The following ZNF502 variants were observed in gnomAD, a reference collection of about 807,000 sequenced individuals.
ZNF502 encodes the protein zinc finger protein 502.
In ZNF502, 29 loss-of-function variants were observed where a neutral mutation model predicts 43.6. The ratio of observed to expected loss-of-function variants is 0.67; its 90% CI spans 0.50 to 0.91. The LOEUF (loss-of-function observed/expected upper bound fraction) is 0.91, where lower values mean the gene tolerates loss of function less well. Among genes scored for constraint, ZNF502 ranks in the 40% least tolerant of loss-of-function variants. The pLI is 0.00. For missense variants in ZNF502, 591 were observed against 647.2 expected (o/e 0.91, Z 0.94); for synonymous variants, 171 against 207.4 (o/e 0.82, Z 1.51).
chr3:44,721,524 A>T lies in ZNF502; in HGVS notation c.707A>T (p.Glu236Val), dbSNP rs765356360. The T allele has an allele frequency of 9.3e-6, 15 of 1,607,570 alleles. No homozygotes were observed. Among genetic ancestry groups the T allele is most frequent in the African/African-American group, 1.3e-5 (1 of 74,836 alleles). The change falls in exon 3 of 3, where the codon GAG (glutamate) becomes GTG (valine). Residue 236 changes from glutamate (E) to valine (V), a missense_variant. Glu to Val is a moderately radical substitution (Grantham distance 121, BLOSUM62 -2). Transcript: ENST00000436624. ...LTQHQRIHTG[E>V]KPYKCNECGN... Reference sequence around the variant, plus strand: ...CAGCATCAAAGAATTCACACTGGAGAGAAACCTTATAAATGCAATGAATGT... The same window carrying T: ...CAGCATCAAAGAATTCACACTGGAGTGAAACCTTATAAATGCAATGAATGT...
chr3:44,714,092 T>G (rs1432998135), intron 1 of ZNF502, among the ~76,000 whole-genome samples: 1 of 152,186 alleles, frequency 6.6e-6, no homozygotes, highest in Non-Finnish European at 1.5e-5. Context: ...TGTTAAAAAT[T>G]CTTGAAAAAC....
At chr3:44,716,528 G>A (rs1704151250) in intron 1 of ZNF502, among the ~76,000 whole-genome samples, 1 of 152,084 alleles carries the variant, frequency 6.6e-6, no homozygotes, top group African/African-American at 2.4e-5. Context: ...ATGACTCTGA[G>A]GTACACTACA....
At position 44,712,681 on chromosome 3, in the gene ZNF502, G is replaced by C. The variant is rs1262573467; in HGVS notation, c.-119G>C. ...TTTCAGAAGTTAAGGCTGGTGTCCT[G>C]GCCCCAGTCCACCTCTGGGAGCGCC... On this transcript the variant is annotated 5_prime_UTR_variant, in exon 1 of 3. Coordinates refer to ENST00000436624, the MANE Select transcript of ZNF502 (RefSeq NM_001134442.3). 2.0e-5 allele frequency: 3 copies of C among 152,322 alleles called. No individual in the cohort carries two copies. The highest frequency in any genetic ancestry group is 7.2e-5 in the African/African-American group (3 of 41,460). The allele number at this position is 152,322 out of a possible 1,614,324, so 9.4% of individuals were successfully genotyped here.
intron 1 of ZNF502, among the ~76,000 whole-genome samples, chr3:44,715,430 A>G (rs1011601147): frequency 1.3e-5 from 2 of 151,760 alleles, no homozygotes; most frequent in Admixed American, 6.6e-5. Flanking sequence ...ATCTCTGATT[A>G]TGCTTTTTCA....
At chr3:44,716,216 T>A (rs1704139866) in intron 1 of ZNF502, among the ~76,000 whole-genome samples, 1 of 151,740 alleles carries the variant, frequency 6.6e-6, no homozygotes, top group Non-Finnish European at 1.5e-5. Flanking sequence ...AGACGGAGTT[T>A]CGCTCTTGTC....
chr3:44,722,001 C>G lies in ZNF502; in HGVS notation c.1184C>G (p.Thr395Ser), dbSNP rs1228310484. 6.2e-7 allele frequency: 1 copy of G among 1,614,170 alleles called. No homozygotes were observed. Among genetic ancestry groups the G allele is most frequent in the African/African-American group, 1.3e-5 (1 of 75,042 alleles). ...GCGTTTACTCAGAGCACCCCACTCA[C>G]TAAACATCAGAGAATACATACAGGG... ...GKAFTQSTPL[T>S]KHQRIHTGER... is the part of the protein sequence containing the mutation. The change falls in exon 3 of 3, where the codon ACT becomes AGT. Residue 395 changes from threonine to serine, a missense_variant. Coordinates refer to ENST00000436624, the MANE Select transcript of ZNF502 (RefSeq NM_001134442.3).
Position 44,722,997 on chromosome 3 carries a change from ATC to A in ZNF502, c.*546_*547del. On this transcript the variant is annotated 3_prime_UTR_variant, in exon 3 of 3. Coordinates refer to ENST00000436624, the MANE Select transcript of ZNF502 (RefSeq NM_001134442.3). ...AGAGCCAAAAAAAAAAAAAAAAAAA[ATC>A]CATATCCATTCATTAAAAAAATGAG... is the stretch of plus-strand genomic sequence containing the variant. 1.3e-5 allele frequency: 2 copies of A among 151,100 alleles called. No individual in the cohort carries two copies. Among genetic ancestry groups the A allele is most frequent in the Non-Finnish European group, 1.5e-5 (1 of 68,012 alleles). 9.4% of individuals were successfully genotyped at this position (151,100 alleles called of 1,614,324 possible). A position where few individuals can be genotyped will look rare whatever the true frequency, so the allele number is the denominator to read the frequency against.
chr3:44,714,472 T>G (rs1352915352), intron 1 of ZNF502: 1 of 152,254 alleles, frequency 6.6e-6, no homozygotes, highest in African/African-American at 2.4e-5. Context: ...GCTCATTCAG[T>G]ACATATTGTC....
intron 1 of ZNF502, among the ~76,000 whole-genome samples, chr3:44,714,369 C>T (rs1208397020): frequency 1.3e-5 from 2 of 152,216 alleles, no homozygotes; most frequent in African/African-American, 4.8e-5. Context: ...ACATTACTTT[C>T]TGGGCAACTT....
At chr3:44,718,004 C>A (rs1704197170) in intron 1 of ZNF502, among the ~76,000 whole-genome samples, 1 of 152,174 alleles carries the variant, frequency 6.6e-6, no homozygotes, top group Non-Finnish European at 1.5e-5. Context: ...TTCCTAGCCA[C>A]ATTGCTTTAA....
intron 1 of ZNF502, among the ~76,000 whole-genome samples, chr3:44,717,311 C>T (rs1002323747): frequency 6.6e-6 from 1 of 150,856 alleles, no homozygotes; most frequent in Non-Finnish European, 1.5e-5. Context: ...TTTTTATTTA[C>T]ATCTCTTAGA....
Position 44,723,233 on chromosome 3 carries a change from A to C in ZNF502, c.*781A>C, listed in dbSNP as rs553820260. ...AGAGAACCAGGAAGACTCAATATCT[A>C]TCTCAGAGGAAATATGGTTACCCAG... is the stretch of plus-strand genomic sequence containing the variant. On this transcript the variant is annotated 3_prime_UTR_variant, in exon 3 of 3. Coordinates refer to ENST00000436624, the MANE Select transcript of ZNF502 (RefSeq NM_001134442.3). The C allele has an allele frequency of 6.6e-6, 1 of 152,232 alleles. No individual in the cohort carries two copies. The highest frequency in any genetic ancestry group is 2.1e-4 in the South Asian group (1 of 4,830). The allele number at this position is 152,232 out of a possible 1,614,324, so 9.4% of individuals were successfully genotyped here.
intron 1 of ZNF502, among the ~76,000 whole-genome samples, chr3:44,716,084 A>T (rs939102719): frequency 1.3e-5 from 2 of 151,994 alleles, no homozygotes; most frequent in Admixed American, 6.6e-5. Flanking sequence ...ATTTCAGGGG[A>T]TATTTTTACA....
chr3:44,713,799 C>T (rs1347036007), intron 1 of ZNF502, among the ~76,000 whole-genome samples: 6 of 152,094 alleles, frequency 3.9e-5, no homozygotes, highest in Admixed American at 6.6e-5. Flanking sequence ...AGGCTGGTCG[C>T]GAACTCCCAA....
At chr3:44,720,067 G>A in intron 1 of ZNF502, 136 bp from the exon 2 acceptor site, 1 of 621,414 alleles carries the variant, frequency 1.6e-6, no homozygotes, top group South Asian at 1.9e-5. Flanking sequence ...TTTTGCGGAT[G>A]CTTCCACATT....
intron 2 of ZNF502, 24 bp from the exon 3 acceptor site, chr3:44,720,824 CTTCACTCTGCCCTGTACAGGAGATA>C: frequency 6.5e-7 from 1 of 1,539,076 alleles, no homozygotes; most frequent in Non-Finnish European, 8.7e-7. Context: ...TTTCAGGGGC[CTTCACTCTGCCCTGTACAGGAGATA>C]TTCATTCTGC....
Position 44,721,172 on chromosome 3 carries a change from A to AG in ZNF502, c.358dup (p.Val120GlyfsTer14), listed in dbSNP as rs1342073908. ...GACCTCAAGCCTTGTTACACGTCTC[A>AG]GGGTTTCTACAGAAGAGAGTCTGCA... On this transcript the variant is annotated frameshift_variant, in exon 3 of 3. Coordinates refer to ENST00000436624, the MANE Select transcript of ZNF502 (RefSeq NM_001134442.3). LOFTEE classifies it high-confidence loss of function. 6.2e-7 allele frequency: 1 copy of AG among 1,614,084 alleles called. No individual in the cohort carries two copies. Among genetic ancestry groups the AG allele is most frequent in the South Asian group, 1.1e-5 (1 of 91,090 alleles).
chr3:44,719,758 G>A (rs1380431668), intron 1 of ZNF502, among the ~76,000 whole-genome samples: 1 of 152,132 alleles, frequency 6.6e-6, no homozygotes, highest in Non-Finnish European at 1.5e-5. Flanking sequence ...CTTGGCATTT[G>A]GTAGAAGTGG....
chr3:44,714,394 C>G, intron 1 of ZNF502, among the ~76,000 whole-genome samples: 1 of 152,208 alleles, frequency 6.6e-6, no homozygotes, highest in Admixed American at 6.5e-5. Flanking sequence ...ACCTAGGAGT[C>G]AGCAAATATG....
Sources: gnomAD v4.1 joint callset for allele counts (sites outside exome capture counted in the v4.1 genomes callset) on GRCh38, gnomAD v4.1.1 for gene constraint, MANE v1.5 for transcripts, NCBI Gene and HGNC (gene_info 2026-07-23, HGNC 2026-07-21) for gene names.